OSBPL1A: variants seen among roughly 807,000 people sequenced by gnomAD.
The protein encoded by OSBPL1A is oxysterol binding protein like 1A, also known as oxysterol-binding protein-related protein 1.
Under a neutral mutation model 137.1 loss-of-function variants are expected in OSBPL1A, and 80 were observed. The ratio of observed to expected loss-of-function variants is 0.58; its 90% CI spans 0.49 to 0.70. The LOEUF is 0.70. OSBPL1A is among the 30% of genes least tolerant of loss of function. The pLI, the probability that OSBPL1A is intolerant of heterozygous loss-of-function variation, is 0.00. For synonymous variants in OSBPL1A, 365 were observed against 389.7 expected (o/e 0.94, Z 0.75); for missense variants, 970 against 1,129.4 (o/e 0.86, Z 2.02).
At chr18:24,376,657 C>G (rs1906168433) in intron 2 of OSBPL1A, among the ~76,000 whole-genome samples, 1 of 152,230 alleles carries the variant, frequency 6.6e-6, no homozygotes, top group African/African-American at 2.4e-5. Flanking sequence ...AGGCTTGGGC[C>G]GCACAGGAGC....
At chr18:24,175,106 A>G (rs9953566) in intron 21 of OSBPL1A, among the ~76,000 whole-genome samples, 1,436 of 23,434 alleles carry the variant, frequency 0.061, 26 homozygotes, top group South Asian at 0.23. Flanking sequence ...TGCCATGTGT[A>G]TGTATATATA....
intron 12 of OSBPL1A, 138 bp from the exon 13 acceptor site, chr18:24,312,244 G>A (rs2090632716): frequency 2.2e-6 from 2 of 906,474 alleles, no homozygotes; most frequent in Non-Finnish European, 3.2e-6. Context: ...AAAGCAACCA[G>A]TAATGAAACA....
chr18:24,362,629 A>G (rs2091641739), intron 4 of OSBPL1A, among the ~76,000 whole-genome samples: 1 of 152,246 alleles, frequency 6.6e-6, no homozygotes, highest in African/African-American at 2.4e-5. Context: ...AATAACCTTT[A>G]GGTATCATGT....
At chr18:24,219,008 G>A (rs576810360) in intron 17 of OSBPL1A, among the ~76,000 whole-genome samples, 2 of 152,124 alleles carry the variant, frequency 1.3e-5, no homozygotes, top group South Asian at 2.1e-4. Flanking sequence ...TTTAAAAATA[G>A]GAGGCCGAGC....
At chr18:24,183,145 C>T (rs529852897) in intron 18 of OSBPL1A, among the ~76,000 whole-genome samples, 34 of 151,914 alleles carry the variant, frequency 2.2e-4, no homozygotes, top group South Asian at 1.0e-3. Flanking sequence ...CAAAAGGCTG[C>T]GATTACAGGT....
chr18:24,301,698 A>T (rs1460542875), intron 14 of OSBPL1A, among the ~76,000 whole-genome samples: 1 of 152,224 alleles, frequency 6.6e-6, no homozygotes, highest in Non-Finnish European at 1.5e-5. Context: ...TAAGTAATAT[A>T]ATACTCCAGC....
At chr18:24,259,901 T>C (rs1402483827) in intron 15 of OSBPL1A, among the ~76,000 whole-genome samples, 1 of 151,866 alleles carries the variant, frequency 6.6e-6, no homozygotes, top group African/African-American at 2.4e-5. Flanking sequence ...ACCCAGGAAA[T>C]GGAAGGAAGT....
At chr18:24,197,273 T>G (rs2087061805) in intron 17 of OSBPL1A, among the ~76,000 whole-genome samples, 1 of 152,000 alleles carries the variant, frequency 6.6e-6, no homozygotes, top group South Asian at 2.1e-4. Flanking sequence ...CTTGAACACG[T>G]GAGGCGGAGG....
intron 2 of OSBPL1A, among the ~76,000 whole-genome samples, chr18:24,374,697 AG>A (rs1358174032): frequency 2.0e-5 from 3 of 152,178 alleles, no homozygotes; most frequent in African/African-American, 7.2e-5. Context: ...CAGCAAGCCT[AG>A]GCCAGGTGCC....
At chr18:24,377,962 A>G (rs1163794807) in intron 1 of OSBPL1A, among the ~76,000 whole-genome samples, 1 of 152,258 alleles carries the variant, frequency 6.6e-6, no homozygotes, top group East Asian at 1.9e-4. Flanking sequence ...CCATTCATAT[A>G]GGAATAGTGT....
At chr18:24,164,753 A>G (rs1201329734) in intron 27 of OSBPL1A, among the ~76,000 whole-genome samples, 2 of 151,984 alleles carry the variant, frequency 1.3e-5, no homozygotes, top group East Asian at 3.9e-4. Context: ...AAACTTAACT[A>G]CCATAGGATC....
chr18:24,275,788 G>GTGCAATCTCGCTTAC (rs1171965541), intron 15 of OSBPL1A, among the ~76,000 whole-genome samples: 2 of 151,702 alleles, frequency 1.3e-5, no homozygotes, highest in East Asian at 3.9e-4. Flanking sequence ...GAGGGCAAGG[G>GTGCAATCTCGCTTAC]TGCAATCTCG....
At chr18:24,352,828 T>A (rs917117298) in intron 4 of OSBPL1A, among the ~76,000 whole-genome samples, 1 of 152,192 alleles carries the variant, frequency 6.6e-6, no homozygotes, top group African/African-American at 2.4e-5. Flanking sequence ...GGATTCCCTA[T>A]TTAATAAATG....
intron 1 of OSBPL1A, among the ~76,000 whole-genome samples, chr18:24,391,472 C>T (rs1907349613): frequency 6.6e-6 from 1 of 151,154 alleles, no homozygotes; most frequent in Admixed American, 6.6e-5. Context: ...CTGTAATCCC[C>T]ACTGCTTTGG....
chr18:24,380,804 T>G (rs536802330), intron 1 of OSBPL1A, among the ~76,000 whole-genome samples: 1 of 151,978 alleles, frequency 6.6e-6, no homozygotes, highest in Non-Finnish European at 1.5e-5. Flanking sequence ...GCAAAAAAAT[T>G]AGCCAGGCAT....
At chr18:24,228,138 G>T (rs2088148637) in intron 16 of OSBPL1A, among the ~76,000 whole-genome samples, 1 of 152,024 alleles carries the variant, frequency 6.6e-6, no homozygotes, top group African/African-American at 2.4e-5. Context: ...GAACCCCTGC[G>T]TGGGACCACT....
chr18:24,302,029 G>C (rs963964449), intron 14 of OSBPL1A, among the ~76,000 whole-genome samples: 2 of 151,966 alleles, frequency 1.3e-5, no homozygotes, highest in Non-Finnish European at 2.9e-5. Context: ...GAGATCGAGA[G>C]CATCCTGGCT....
intron 17 of OSBPL1A, among the ~76,000 whole-genome samples, chr18:24,222,058 T>C (rs2087910602): frequency 6.6e-6 from 1 of 152,152 alleles, no homozygotes; most frequent in African/African-American, 2.4e-5. Flanking sequence ...CTCCAAATAA[T>C]ACTGAATAAA....
At chr18:24,376,633 A>G (rs8098560) in intron 2 of OSBPL1A, among the ~76,000 whole-genome samples, 6,526 of 152,288 alleles carry the variant, frequency 0.043, 456 homozygotes, top group African/African-American at 0.15. Flanking sequence ...AGCAGGGGGC[A>G]GTGCTCATCG....
Sources: gnomAD v4.1 joint callset for allele counts (sites outside exome capture counted in the v4.1 genomes callset) on GRCh38, gnomAD v4.1.1 for gene constraint, MANE v1.5 for transcripts, NCBI Gene and HGNC (gene_info 2026-07-23, HGNC 2026-07-21) for gene names.